Variants in VWA8 observed in about 807,000 individuals in gnomAD.
The protein encoded by VWA8 is von Willebrand factor A domain containing 8.
Under a neutral mutation model 241.5 loss-of-function variants are expected in VWA8, and 221 were observed. The observed-to-expected ratio is 0.91, with a 90% confidence interval of 0.82 to 1.02. The LOEUF is 1.02. Among genes scored for constraint, VWA8 ranks in the 50% least tolerant of loss-of-function variants. The pLI, the probability that VWA8 is intolerant of heterozygous loss-of-function variation, is 0.00. For synonymous variants in VWA8, 852 were observed against 827.1 expected (o/e 1.03, Z -0.52); for missense variants, 2,322 against 2,328.7 (o/e 1.00, Z 0.06).
At chr13:41,950,411 T>C (rs1467383790) in intron 1 of VWA8, among the ~76,000 whole-genome samples, 1 of 151,990 alleles carries the variant, frequency 6.6e-6, no homozygotes, top group South Asian at 2.1e-4. Flanking sequence ...CTCTGTCACC[T>C]GGGCTGGAGT....
chr13:41,797,848 A>G (rs1869774054), intron 17 of VWA8, among the ~76,000 whole-genome samples: 1 of 152,128 alleles, frequency 6.6e-6, no homozygotes. Flanking sequence ...GTCTTTTAAA[A>G]TCTTAATCAG....
At chr13:41,687,002 A>G (rs933313660) in intron 34 of VWA8, among the ~76,000 whole-genome samples, 6 of 152,054 alleles carry the variant, frequency 3.9e-5, no homozygotes, top group Non-Finnish European at 8.8e-5. Flanking sequence ...ATCTTTGATA[A>G]CTCACACTGG....
chr13:41,862,574 C>A (rs1013158026), intron 12 of VWA8, among the ~76,000 whole-genome samples: 3 of 151,546 alleles, frequency 2.0e-5, no homozygotes, highest in African/African-American at 7.3e-5. Flanking sequence ...ACATAAAGAA[C>A]AATTCAACAG....
intron 37 of VWA8, among the ~76,000 whole-genome samples, chr13:41,620,908 G>T (rs2044653124): frequency 6.6e-6 from 1 of 152,160 alleles, no homozygotes; most frequent in Non-Finnish European, 1.5e-5. Context: ...AAACTAAGGA[G>T]GTTAAACTGA....
intron 24 of VWA8, 55 bp from the exon 25 acceptor site, chr13:41,721,630 C>A: frequency 1.3e-6 from 2 of 1,532,606 alleles, no homozygotes; most frequent in African/African-American, 1.4e-5. Context: ...TACGATGTCA[C>A]AGGAAAAAAT....
At chr13:41,925,421 A>C (rs368897755) in intron 2 of VWA8, among the ~76,000 whole-genome samples, 1 of 152,134 alleles carries the variant, frequency 6.6e-6, no homozygotes, top group African/African-American at 2.4e-5. Context: ...TTAAAAGTCA[A>C]TTCAGTCAAA....
At chr13:41,716,147 G>A (rs1183927307) in intron 26 of VWA8, among the ~76,000 whole-genome samples, 1 of 151,926 alleles carries the variant, frequency 6.6e-6, no homozygotes, top group Non-Finnish European at 1.5e-5. Context: ...TGGGGTCTAG[G>A]TAGCCAATTC....
intron 20 of VWA8, among the ~76,000 whole-genome samples, chr13:41,768,385 T>C (rs2045794081): frequency 6.6e-6 from 1 of 152,204 alleles, no homozygotes; most frequent in Admixed American, 6.5e-5. Context: ...ATTCATGGTG[T>C]CTCAATATTA....
At chr13:41,652,113 G>A (rs555399570) in intron 37 of VWA8, among the ~76,000 whole-genome samples, 3 of 152,240 alleles carry the variant, frequency 2.0e-5, no homozygotes, top group African/African-American at 7.2e-5. Flanking sequence ...CTTCCTATAT[G>A]GGGCACAACT....
chr13:41,749,017 T>C (rs2045632536), intron 21 of VWA8, among the ~76,000 whole-genome samples: 1 of 152,136 alleles, frequency 6.6e-6, no homozygotes, highest in African/African-American at 2.4e-5. Flanking sequence ...TGGGATCTAA[T>C]TAAACTAAAG....
intron 12 of VWA8, among the ~76,000 whole-genome samples, chr13:41,835,830 TC>T (rs1390374152): frequency 1.3e-5 from 2 of 152,088 alleles, no homozygotes; most frequent in Non-Finnish European, 2.9e-5. Context: ...TAAAGAAAAC[TC>T]CTGGTATGAA....
chr13:41,592,703 T>C (rs2044464199), intron 40 of VWA8, among the ~76,000 whole-genome samples: 2 of 149,666 alleles, frequency 1.3e-5, no homozygotes, highest in East Asian at 1.9e-4. Context: ...AATAGTGTTA[T>C]TAAAAGCCCT....
intron 9 of VWA8, among the ~76,000 whole-genome samples, chr13:41,875,843 G>A (rs1873872469): frequency 1.3e-5 from 2 of 151,916 alleles, no homozygotes; most frequent in Non-Finnish European, 2.9e-5. Flanking sequence ...TCTCTCTCCT[G>A]AAATCTTGAC....
intron 12 of VWA8, among the ~76,000 whole-genome samples, chr13:41,846,518 C>T (rs1312330664): frequency 6.6e-6 from 1 of 152,116 alleles, no homozygotes; most frequent in East Asian, 1.9e-4. Flanking sequence ...TAATAAATGA[C>T]AGCTGAATCT....
At chr13:41,851,711 C>T (rs748240164) in intron 12 of VWA8, among the ~76,000 whole-genome samples, 45 of 152,212 alleles carry the variant, frequency 3.0e-4, no homozygotes, top group Admixed American at 1.2e-3. Context: ...CCTTTTTCTT[C>T]CCAGTCTCGG....
At chr13:41,919,392 C>T (rs902653412) in intron 2 of VWA8, among the ~76,000 whole-genome samples, 5 of 152,202 alleles carry the variant, frequency 3.3e-5, no homozygotes, top group African/African-American at 9.6e-5. Context: ...CCAGAGTACA[C>T]ATTCTGTGCT....
At chr13:41,578,789 T>A (rs1305253161) in intron 42 of VWA8, among the ~76,000 whole-genome samples, 1 of 152,206 alleles carries the variant, frequency 6.6e-6, no homozygotes, top group African/African-American at 2.4e-5. Context: ...TTCAGAGCAT[T>A]CCTGAAAACC....
At chr13:41,796,497 T>G (rs1454677379) in intron 17 of VWA8, among the ~76,000 whole-genome samples, 5 of 150,420 alleles carry the variant, frequency 3.3e-5, no homozygotes, top group South Asian at 4.2e-4. Flanking sequence ...TTTTCAGTTA[T>G]GCTTTTTCCT....
chr13:41,762,821 A>G (rs567427722), intron 20 of VWA8, among the ~76,000 whole-genome samples: 1 of 152,274 alleles, frequency 6.6e-6, no homozygotes, highest in Non-Finnish European at 1.5e-5. Flanking sequence ...ATATCCCCAG[A>G]GCTCAGCACA....
Sources: gnomAD v4.1 joint callset for allele counts (sites outside exome capture counted in the v4.1 genomes callset) on GRCh38, gnomAD v4.1.1 for gene constraint, MANE v1.5 for transcripts, NCBI Gene and HGNC (gene_info 2026-07-23, HGNC 2026-07-21) for gene names.